Variants in SCUBE1 observed in about 807,000 individuals in gnomAD.
The protein encoded by SCUBE1 is signal peptide, CUB and EGF-like domain-containing protein 1.
A neutral mutation model predicts 124.4 loss-of-function variants in SCUBE1; 59 were observed. The observed-to-expected ratio is 0.47, with a 90% CI of 0.38 to 0.59. The LOEUF is 0.59. Ranked by LOEUF, SCUBE1 falls within the 20% of genes least tolerant of loss-of-function variation. The probability of loss-of-function intolerance (pLI) is 0.00; values close to 1 mark genes in which losing one functional copy is unlikely to be tolerated. For missense variants in SCUBE1, 1,150 were observed against 1,371.2 expected, an observed-to-expected ratio of 0.84 and a Z score of 2.55; for synonymous variants, 545 against 550.9, an observed-to-expected ratio of 0.99 and a Z score of 0.15.
At chr22:43,267,873 A>G (rs754392582) in intron 4 of SCUBE1, among the ~76,000 whole-genome samples, 2 of 152,316 alleles carry the variant, frequency 1.3e-5, no homozygotes, top group East Asian at 3.9e-4. Flanking sequence ...TCTGGGTGGC[A>G]GCTGGGGCCA....
At chr22:43,235,347 G>T (rs750319443) in intron 7 of SCUBE1, among the ~76,000 whole-genome samples, 1 of 152,100 alleles carries the variant, frequency 6.6e-6, no homozygotes, top group African/African-American at 2.4e-5. Flanking sequence ...CATCTCACGT[G>T]GGGGACCATG....
intron 2 of SCUBE1, 40 bp downstream of exon 2, chr22:43,339,064 C>A (rs1261152827): frequency 3.1e-6 from 5 of 1,609,738 alleles, no homozygotes; most frequent in Non-Finnish European, 4.2e-6. Flanking sequence ...GCAGCCCTGG[C>A]AGCCTCAGGG....
At chr22:43,239,479 T>C (rs746475138) in intron 6 of SCUBE1, among the ~76,000 whole-genome samples, 29 of 152,278 alleles carry the variant, frequency 1.9e-4, no homozygotes, top group Non-Finnish European at 3.8e-4. Flanking sequence ...TGATGAGGCT[T>C]TCAGCCCAAC....
chr22:43,221,792 G>A (rs903473895), intron 12 of SCUBE1, among the ~76,000 whole-genome samples: 2 of 152,096 alleles, frequency 1.3e-5, no homozygotes, highest in African/African-American at 2.4e-5. Flanking sequence ...GGCAGGGTGC[G>A]GTGGCTCACG....
At position 43,253,868 on chromosome 22, in the gene SCUBE1, G is replaced by A. The variant is rs907609526; in HGVS notation, c.727+4351C>T. ...GCTCTGGCCTCAGACAGTAGTGCCC[G>A]CTTCTTGTAAGTGAGACCGAGGGCC... On this transcript the variant is annotated intron_variant, in intron 6 of 21. Transcript: ENST00000360835. 5.3e-5 allele frequency among the ~76,000 whole-genome samples: 8 copies of A among 152,306 alleles called. No homozygotes were observed. The East Asian group carries it at 9.7e-4, about 18-fold the overall frequency.
intron 15 of SCUBE1, among the ~76,000 whole-genome samples, chr22:43,216,815 C>T (rs570968806): frequency 1.3e-5 from 2 of 150,978 alleles, no homozygotes; most frequent in Admixed American, 1.3e-4. Flanking sequence ...TTACCAACAG[C>T]TTCCCCGCCC....
At chr22:43,319,631 G>C (rs990848110) in intron 3 of SCUBE1, among the ~76,000 whole-genome samples, 2 of 151,290 alleles carry the variant, frequency 1.3e-5, no homozygotes, top group African/African-American at 4.9e-5. Flanking sequence ...ATGCAAAGTG[G>C]GAAGACCGTA....
Position 43,239,057 on chromosome 22 carries a change from G to A in SCUBE1, c.728-103C>T, listed in dbSNP as rs180706110. The A allele has an allele frequency of 4.1e-4, 368 of 895,656 alleles. 2 individuals carry two copies. The Middle Eastern group carries it at 8.4e-3, about 20-fold the overall frequency. The allele number at this position is 895,656 out of a possible 1,614,324, so 55.5% of individuals were successfully genotyped here. ...CTATGAGACAGGAGACGAGACCCGG[G>A]TTCAAGCTCTGGCTCTGATATACTC... On this transcript the variant is annotated intron_variant, in intron 6 of 21. Transcript: ENST00000360835.
At chr22:43,262,338 G>A (rs1923901646) in intron 5 of SCUBE1, among the ~76,000 whole-genome samples, 1 of 152,188 alleles carries the variant, frequency 6.6e-6, no homozygotes, top group Admixed American at 6.5e-5. Flanking sequence ...GACCACTTCA[G>A]AACCATACTC....
At chr22:43,331,753 C>T (rs1926909916) in intron 2 of SCUBE1, among the ~76,000 whole-genome samples, 1 of 152,184 alleles carries the variant, frequency 6.6e-6, no homozygotes, top group Admixed American at 6.5e-5. Flanking sequence ...TCACCCCCAG[C>T]CTGCCCCCTC....
intron 3 of SCUBE1, among the ~76,000 whole-genome samples, chr22:43,292,818 C>T (rs1286846377): frequency 6.6e-6 from 1 of 152,150 alleles, no homozygotes; most frequent in Non-Finnish European, 1.5e-5. Context: ...ACAGCGAGGC[C>T]ATTATTCTTT....
intron 15 of SCUBE1, among the ~76,000 whole-genome samples, chr22:43,216,460 C>T (rs1046270709): frequency 3.3e-5 from 5 of 151,360 alleles, no homozygotes; most frequent in Non-Finnish European, 7.4e-5. Flanking sequence ...TGAGACCAGC[C>T]TGGCCAACAT....
chr22:43,206,805 T>C (rs1028834026), intron 21 of SCUBE1, among the ~76,000 whole-genome samples: 1 of 151,770 alleles, frequency 6.6e-6, no homozygotes, highest in African/African-American at 2.4e-5. Flanking sequence ...GGGACAGAGA[T>C]TGCGGGGAGA....
intron 4 of SCUBE1, among the ~76,000 whole-genome samples, chr22:43,280,611 G>C (rs934111291): frequency 2.8e-5 from 4 of 141,352 alleles, no homozygotes; most frequent in Non-Finnish European, 6.1e-5. Flanking sequence ...CCTTTCCCCT[G>C]CTACGCTGTC....
intron 9 of SCUBE1, 93 bp downstream of exon 9, chr22:43,228,979 G>A: frequency 3.3e-6 from 3 of 896,556 alleles, no homozygotes; most frequent in Admixed American, 2.0e-5. Context: ...CCAGGGTTGA[G>A]GGCAGGGTTG....
Position 43,291,026 on chromosome 22 carries a change from T to G in SCUBE1, c.484+20A>C. 6 of 1,565,600 alleles carry G rather than the reference T, an allele frequency of 3.8e-6. No homozygotes were observed. The highest frequency in any genetic ancestry group is 1.2e-5 in the South Asian group (1 of 86,774). Reference sequence around the variant, plus strand: ...CCATCCTGGGGGGGGACATGCCTGGTCAGCATAGGCTGTACTCACCATTGG... The same window carrying G: ...CCATCCTGGGGGGGGACATGCCTGGGCAGCATAGGCTGTACTCACCATTGG... On this transcript the variant is annotated intron_variant, in intron 4 of 21. Coordinates refer to ENST00000360835, the MANE Select transcript of SCUBE1 (RefSeq NM_173050.5).
At chr22:43,236,030 G>A (rs772739779) in intron 7 of SCUBE1, among the ~76,000 whole-genome samples, 99 of 152,260 alleles carry the variant, frequency 6.5e-4, no homozygotes, top group Non-Finnish European at 1.2e-3. Flanking sequence ...GTCCAAGCCC[G>A]CTGTGACCTT....
chr22:43,334,634 T>C (rs923290582), intron 2 of SCUBE1, among the ~76,000 whole-genome samples: 33 of 144,448 alleles, frequency 2.3e-4, no homozygotes, highest in Non-Finnish European at 5.2e-4. Flanking sequence ...CCATCAACAT[T>C]ATCATCACCA....
At chr22:43,229,022 C>T (rs1428273223) in intron 9 of SCUBE1, 50 bp downstream of exon 9, 2 of 1,386,722 alleles carry the variant, frequency 1.4e-6, no homozygotes, top group South Asian at 2.4e-5. Context: ...GGCCGTGCGG[C>T]CAGGCGCGTG....
Sources: gnomAD v4.1 joint callset for allele counts (sites outside exome capture counted in the v4.1 genomes callset) on GRCh38, gnomAD v4.1.1 for gene constraint, MANE v1.5 for transcripts, NCBI Gene and HGNC (gene_info 2026-07-23, HGNC 2026-07-21) for gene names.